Variants in RERE observed in about 807,000 individuals in gnomAD.
RERE encodes arginine-glutamic acid dipeptide repeats.
In RERE, 40 loss-of-function variants were observed where a neutral mutation model predicts 146.1. The observed-to-expected ratio is 0.27, with a 90% confidence interval of 0.21 to 0.36. The LOEUF (loss-of-function observed/expected upper bound fraction) is 0.36, where lower values mean the gene tolerates loss of function less well. Among genes scored for constraint, RERE ranks in the 10% least tolerant of loss-of-function variants. The pLI is 1.00. For missense variants in RERE, 1,933 were observed against 2,138.7 expected (o/e 0.90, Z 1.90); for synonymous variants, 1,003 against 866.0 (o/e 1.16, Z -2.78).
At chr1:8,550,543 G>A (rs1645921075) in intron 6 of RERE, among the ~76,000 whole-genome samples, 1 of 151,938 alleles carries the variant, frequency 6.6e-6, no homozygotes, top group Non-Finnish European at 1.5e-5. Flanking sequence ...TGTTGTTGTT[G>A]TTGTTGTTTT....
intron 1 of RERE, among the ~76,000 whole-genome samples, chr1:8,811,050 G>T (rs903679037): frequency 6.6e-6 from 1 of 152,180 alleles, no homozygotes; most frequent in Non-Finnish European, 1.5e-5. Context: ...TAAGGTGTTA[G>T]AATAAGCTAT....
intron 4 of RERE, among the ~76,000 whole-genome samples, chr1:8,558,887 C>T (rs1373346805): frequency 6.6e-6 from 1 of 150,748 alleles, no homozygotes; most frequent in East Asian, 2.0e-4. Context: ...CCTCCACCTC[C>T]TAGGTTCAAA....
intron 3 of RERE, among the ~76,000 whole-genome samples, chr1:8,618,151 A>G (rs2124206714): frequency 6.6e-6 from 1 of 152,374 alleles, no homozygotes; most frequent in Non-Finnish European, 1.5e-5. Flanking sequence ...TATATACATC[A>G]GTGAATAAAA....
intron 1 of RERE, among the ~76,000 whole-genome samples, chr1:8,659,154 A>G (rs1156647861): frequency 6.6e-6 from 1 of 152,250 alleles, no homozygotes. Context: ...ATAGTCATAA[A>G]CTCCCAAGTC....
chr1:8,729,416 G>GA (rs917251523), intron 1 of RERE, among the ~76,000 whole-genome samples: 7 of 150,560 alleles, frequency 4.6e-5, no homozygotes, highest in Non-Finnish European at 1.0e-4. Flanking sequence ...GTAGAGACGG[G>GA]GTTTCACCAC....
intron 4 of RERE, among the ~76,000 whole-genome samples, chr1:8,608,030 G>A (rs756439097): frequency 5.9e-5 from 9 of 151,392 alleles, no homozygotes; most frequent in Non-Finnish European, 8.8e-5. Context: ...CCAGCCTAAC[G>A]TTTTTGTTTT....
rs1027629377 is a variant in RERE, at chr1:8,354,295, C to CA, written c.*791dup. The CA allele has an allele frequency of 1.3e-5, 2 of 152,660 alleles. No homozygotes were observed. The highest frequency in any genetic ancestry group is 4.8e-5 in the African/African-American group (2 of 41,462). The allele number at this position is 152,660 out of a possible 1,614,324, so 9.5% of individuals were successfully genotyped here. A position where few individuals can be genotyped will look rare whatever the true frequency, so the allele number is the denominator to read the frequency against. ...CACAAGTGAAACGCCAGGCAGAAAA[C>CA]AGAGTCTGTAACATCGTCCCTGCAA... is the stretch of plus-strand genomic sequence containing the variant. On this transcript the variant is annotated 3_prime_UTR_variant, in exon 23 of 23. Transcript: ENST00000400908.
chr1:8,663,899 T>C (rs1284105382), intron 1 of RERE, among the ~76,000 whole-genome samples: 1 of 152,110 alleles, frequency 6.6e-6, no homozygotes, highest in Non-Finnish European at 1.5e-5. Flanking sequence ...CCTTTGTCTG[T>C]GTACCTTCTA....
At chr1:8,674,142 T>C (rs1304795638) in intron 1 of RERE, among the ~76,000 whole-genome samples, 4 of 152,202 alleles carry the variant, frequency 2.6e-5, no homozygotes, top group East Asian at 1.9e-4. Flanking sequence ...ATTAAATCTA[T>C]AGCAAATGTA....
chr1:8,694,971 T>TA (rs1639291122), intron 1 of RERE, among the ~76,000 whole-genome samples: 1 of 8,290 alleles, frequency 1.2e-4, no homozygotes, highest in Non-Finnish European at 2.6e-4. Context: ...AAAGAAATCC[T>TA]AAGGGGGGGG....
chr1:8,709,592 A>G (rs542586001), intron 1 of RERE, among the ~76,000 whole-genome samples: 1 of 152,222 alleles, frequency 6.6e-6, no homozygotes, highest in Non-Finnish European at 1.5e-5. Context: ...TTTTTGTCAC[A>G]AAGATGAAAT....
At chr1:8,456,217 T>C (rs1326375879) in intron 11 of RERE, among the ~76,000 whole-genome samples, 1 of 152,170 alleles carries the variant, frequency 6.6e-6, no homozygotes, top group Non-Finnish European at 1.5e-5. Flanking sequence ...GGTGTTATAA[T>C]TCAGAGCATG....
intron 2 of RERE, among the ~76,000 whole-genome samples, chr1:8,633,267 T>G (rs1380486268): frequency 6.6e-6 from 1 of 152,024 alleles, no homozygotes; most frequent in East Asian, 1.9e-4. Flanking sequence ...AAAAAAAATT[T>G]TTTTAAATAG....
In RERE at chr1:8,364,082, T is replaced by C. The variant is rs770595219; in HGVS notation, c.1714A>G (p.Met572Val). The change falls in exon 15 of 23, where the codon ATG becomes GTG. Residue 572 changes from methionine to valine, a missense_variant. Coordinates refer to ENST00000400908, the MANE Select transcript of RERE (RefSeq NM_001042681.2). The surrounding 1 kb of genome is among the most constrained non-coding windows in gnomAD (Gnocchi z 5.1). ...EDDGLSGKHS[M>V]RTRRSRGSMS... ...GAGCCCCGACTCCGCCGTGTCCTCA[T>C]GCTATGCTTCCCACTGAGCCCATCA... is the stretch of plus-strand genomic sequence containing the variant. 161 of 1,614,096 alleles carry C rather than the reference T, an allele frequency of 1.0e-4. No homozygotes were observed. The highest frequency in any genetic ancestry group is 6.6e-4 in the Middle Eastern group (4 of 6,084).
chr1:8,363,681 T>A (rs1285803220), intron 15 of RERE: 1 of 219,520 alleles, frequency 4.6e-6, no homozygotes, highest in African/African-American at 2.3e-5. Context: ...GATCAAACAT[T>A]TAAAAAAAAT....
Position 8,794,101 on chromosome 1 carries a change from A to C in RERE, c.-145+23059T>G, listed in dbSNP as rs564341861. 5.2e-4 allele frequency among the ~76,000 whole-genome samples: 78 copies of C among 151,358 alleles called. 1 individual carries two copies. Among genetic ancestry groups the C allele is most frequent in the African/African-American group, 1.8e-3 (74 of 41,248 alleles). The stretch of plus-strand genomic sequence containing the variant: ...AAATTTTTTTTTTTTGAGAGAGAAA[A>C]AAATGGCCTCTGAAGGCTGGGCGCG... On this transcript the variant is annotated intron_variant, in intron 1 of 22. Transcript: ENST00000400908.
chr1:8,764,770 T>C (rs74935722), intron 1 of RERE, among the ~76,000 whole-genome samples: 1 of 152,160 alleles, frequency 6.6e-6, no homozygotes, highest in Admixed American at 6.5e-5. Flanking sequence ...CTCAACCTCA[T>C]TAGGGAAATG....
intron 1 of RERE, among the ~76,000 whole-genome samples, chr1:8,725,939 T>TA (rs34719898): frequency 6.1e-5 from 9 of 147,004 alleles, no homozygotes; most frequent in Middle Eastern, 3.5e-3. Flanking sequence ...AAAAGTTGTT[T>TA]AAAAAAAAAG....
chr1:8,545,745 G>A (rs935135045), intron 6 of RERE, among the ~76,000 whole-genome samples: 35 of 146,696 alleles, frequency 2.4e-4, no homozygotes, highest in Admixed American at 6.2e-4. Flanking sequence ...GTGCAATGGC[G>A]TGATCTCGAC....
Sources: gnomAD v4.1 joint callset for allele counts (sites outside exome capture counted in the v4.1 genomes callset) on GRCh38, gnomAD v4.1.1 for gene constraint, Gnocchi (gnomAD v3.1) non-coding constraint, MANE v1.5 for transcripts, NCBI Gene and HGNC (gene_info 2026-07-23, HGNC 2026-07-21) for gene names.